MAGOHB: variants seen among roughly 807,000 people sequenced by gnomAD.
MAGOHB encodes mago homolog B, exon junction complex subunit.
MAGOHB carries 15 observed loss-of-function variants against 20.9 expected under a neutral mutation model. That is an observed-to-expected ratio of 0.72 (90% CI 0.48 to 1.11). The LOEUF (loss-of-function observed/expected upper bound fraction) is 1.11. Among genes scored for constraint, MAGOHB ranks in the 50% least tolerant of loss-of-function variants. The probability of loss-of-function intolerance (pLI) is 0.00; values close to 1 mark genes in which losing one functional copy is unlikely to be tolerated. For synonymous variants in MAGOHB, 50 were observed against 57.9 expected (o/e 0.86, Z 0.62); for missense variants, 162 against 177.6 (o/e 0.91, Z 0.50).
downstream of MAGOHB, among the ~76,000 whole-genome samples, chr12:10,602,275 T>A (rs1380864822): frequency 1.3e-5 from 2 of 152,226 alleles, no homozygotes; most frequent in African/African-American, 4.8e-5. Flanking sequence ...TGCCTACAAG[T>A]GCACCTCATG....
chr12:10,612,710 C>T, intron 1 of MAGOHB: 1 of 1,158,374 alleles, frequency 8.6e-7, no homozygotes, highest in Non-Finnish European at 1.1e-6. Context: ...AATATATATC[C>T]AAATGAACTT....
chr12:10,611,065 A>C (rs1037095203), intron 1 of MAGOHB, among the ~76,000 whole-genome samples: 13 of 152,148 alleles, frequency 8.5e-5, no homozygotes, highest in Non-Finnish European at 1.5e-4. Flanking sequence ...AAACAATCCC[A>C]AAAATCGGGT....
At chr12:10,610,135 A>G (rs1394167529) in intron 2 of MAGOHB, among the ~76,000 whole-genome samples, 194 bp from the exon 3 acceptor site, 1 of 152,174 alleles carries the variant, frequency 6.6e-6, no homozygotes, top group African/African-American at 2.4e-5. Flanking sequence ...TTCCTTTCAC[A>G]TACATTTTTT....
At chr12:10,612,570 T>C (rs73261989) in intron 1 of MAGOHB, 1 of 689,326 alleles carries the variant, frequency 1.5e-6, no homozygotes, top group African/African-American at 1.9e-5. Flanking sequence ...TACTGCTTTA[T>C]AGTTAAATGT....
chr12:10,610,577 CAAAAAAAAAAAA>C, intron 2 of MAGOHB, 33 bp downstream of exon 2: 1 of 724,890 alleles, frequency 1.4e-6, no homozygotes. Flanking sequence ...GGGCTAAATG[CAAAAAAAAAAAA>C]AAAAAAAAAA....
downstream of MAGOHB, among the ~76,000 whole-genome samples, chr12:10,603,223 G>T (rs891001554): frequency 6.6e-6 from 1 of 150,952 alleles, no homozygotes; most frequent in Non-Finnish European, 1.5e-5. Flanking sequence ...CTGAGGCAGG[G>T]AAATGGCATG....
chr12:10,607,983 A>C, intron 3 of MAGOHB, 47 bp from the exon 4 acceptor site: 1 of 1,174,102 alleles, frequency 8.5e-7, no homozygotes, highest in Non-Finnish European at 1.2e-6. Flanking sequence ...AATCTATCCC[A>C]GAGGTATCTG....
intron 1 of MAGOHB, chr12:10,612,621 G>A (rs927796473): frequency 9.3e-7 from 1 of 1,075,672 alleles, no homozygotes; most frequent in Non-Finnish European, 1.1e-6. Context: ...AGTTAAATTT[G>A]TCTTACTCAT....
chr12:10,611,301 AAGTTGATGAGTTTGTT>A (rs1455445624), intron 1 of MAGOHB, among the ~76,000 whole-genome samples: 1 of 152,222 alleles, frequency 6.6e-6, no homozygotes, highest in Non-Finnish European at 1.5e-5. Context: ...TTCTGGATCA[AAGTTGATGAGTTTGTT>A]AGCTAGTTTA....
intron 2 of MAGOHB, among the ~76,000 whole-genome samples, 161 bp downstream of exon 2, chr12:10,610,461 C>G (rs1419843284): frequency 6.6e-6 from 1 of 151,390 alleles, no homozygotes; most frequent in Non-Finnish European, 1.5e-5. Context: ...GATGCAAACA[C>G]TGTATCTAAT....
At chr12:10,607,776 G>T in intron 4 of MAGOHB, 78 bp downstream of exon 4, 1 of 775,688 alleles carries the variant, frequency 1.3e-6, no homozygotes, top group Non-Finnish European at 2.2e-6. Flanking sequence ...AAATTATCTT[G>T]GCTAGCAAAC....
chr12:10,609,269 G>T (rs1218830789), intron 3 of MAGOHB: 8 of 356,932 alleles, frequency 2.2e-5, no homozygotes, highest in Admixed American at 3.6e-5. Context: ...TCCAGGGGTT[G>T]TTGAAGGAAT....
chr12:10,613,566 C>A lies in MAGOHB; in HGVS notation c.-34G>T. ...CCGGGAAGCCCGCCGAAAACGCAGC[C>A]AACGTGTCCCCCGGCGCCTTGCAGT... On this transcript the variant is annotated 5_prime_UTR_variant, in exon 1 of 5. Transcript: ENST00000320756. 1 of 1,446,366 alleles carries A rather than the reference C, an allele frequency of 6.9e-7. No individual in the cohort carries two copies. Among genetic ancestry groups the A allele is most frequent in the Non-Finnish European group, 9.7e-7 (1 of 1,026,990 alleles). 89.6% of individuals were successfully genotyped at this position (1,446,366 alleles called of 1,614,324 possible).
At chr12:10,611,822 T>TGTGTAACA (rs1865748122) in intron 1 of MAGOHB, among the ~76,000 whole-genome samples, 1 of 146,572 alleles carries the variant, frequency 6.8e-6, no homozygotes, top group Non-Finnish European at 1.5e-5. Flanking sequence ...AATGGAAGTA[T>TGTGTAACA]GTGTAACAGT....
At chr12:10,609,344 C>T in intron 3 of MAGOHB, 1 of 430,236 alleles carries the variant, frequency 2.3e-6, no homozygotes. Context: ...TGAAATTAGG[C>T]CTTCAGAGTT....
At chr12:10,606,829 C>T (rs941162090) in intron 4 of MAGOHB, among the ~76,000 whole-genome samples, 1 of 151,568 alleles carries the variant, frequency 6.6e-6, no homozygotes, top group Non-Finnish European at 1.5e-5. Context: ...TTGTTAGACA[C>T]TGGGGTTAAT....
At chr12:10,603,563 AT>A (rs1865576527), downstream of MAGOHB, among the ~76,000 whole-genome samples, 8 of 151,642 alleles carry the variant, frequency 5.3e-5, no homozygotes, top group South Asian at 1.7e-3. Flanking sequence ...AAAAAAAAGG[AT>A]TCCCGATGGC....
Position 10,611,478 on chromosome 12 carries a change from G to C in MAGOHB, c.95-798C>G, listed in dbSNP as rs569594203. 2.0e-5 allele frequency among the ~76,000 whole-genome samples: 3 copies of C among 152,186 alleles called. No individual in the cohort carries two copies. In the East Asian group the frequency reaches 5.8e-4, roughly 29 times the overall value. On this transcript the variant is annotated intron_variant, in intron 1 of 4. Transcript: ENST00000320756. ...TTGATGGCTTGGCACCAGGCACAGT[G>C]GCTCATGCCTGTAATCCCAGCAATT...
At chr12:10,608,917 T>G (rs925468221) in intron 3 of MAGOHB, 3 of 152,378 alleles carry the variant, frequency 2.0e-5, no homozygotes, top group Admixed American at 6.5e-5. Context: ...CCAAAACCCA[T>G]GAACACATCC....
Sources: gnomAD v4.1 joint callset for allele counts (sites outside exome capture counted in the v4.1 genomes callset) on GRCh38, gnomAD v4.1.1 for gene constraint, MANE v1.5 for transcripts, NCBI Gene and HGNC (gene_info 2026-07-23, HGNC 2026-07-21) for gene names.